Variants in CCDC172 observed in about 807,000 individuals in gnomAD.
The protein encoded by CCDC172 is coiled-coil domain containing 172.
CCDC172 carries 30 observed loss-of-function variants against 38.0 expected under a neutral mutation model. That is an observed-to-expected ratio of 0.79 (90% confidence interval 0.59 to 1.07). The LOEUF is 1.07. CCDC172 is among the 50% of genes least tolerant of loss of function. The pLI, the probability that CCDC172 is intolerant of heterozygous loss-of-function variation, is 0.00. For missense variants in CCDC172, 297 were observed against 290.1 expected, an observed-to-expected ratio of 1.02 and a Z score of -0.17; for synonymous variants, 78 against 88.3, an observed-to-expected ratio of 0.88 and a Z score of 0.66.
intron 7 of CCDC172, among the ~76,000 whole-genome samples, chr10:116,363,699 G>A (rs113467804): frequency 0.012 from 1,797 of 152,190 alleles, 39 homozygotes; most frequent in African/African-American, 0.041. Flanking sequence ...CACTTTGGGA[G>A]GCCAAAGCAG....
At chr10:116,375,164 T>C (rs1233717644) in intron 7 of CCDC172, among the ~76,000 whole-genome samples, 1 of 152,182 alleles carries the variant, frequency 6.6e-6, no homozygotes, top group South Asian at 2.1e-4. Context: ...TTGCTTCCTG[T>C]CTCTGCTTTT....
intron 7 of CCDC172, among the ~76,000 whole-genome samples, chr10:116,369,936 T>G (rs1845166419): frequency 6.6e-6 from 1 of 151,960 alleles, no homozygotes; most frequent in African/African-American, 2.4e-5. Context: ...GTGTAGTATA[T>G]TTGCAACTCT....
In CCDC172 at chr10:116,325,503, T is replaced by A; in HGVS notation, c.165+115T>A. On this transcript the variant is annotated intron_variant, in intron 3 of 8. Transcript: ENST00000333254. ...CCTTCAAGTAGGAAGCACGTTACTCTGTGCTGGCTGTTTTAGTTCCATGTT... is the reference window on the plus strand; with the variant it reads ...CCTTCAAGTAGGAAGCACGTTACTCAGTGCTGGCTGTTTTAGTTCCATGTT... The A allele has an allele frequency of 5.5e-6, 4 of 730,658 alleles. No homozygotes were observed. The East Asian group carries it at 1.1e-4, about 20-fold the overall frequency. The allele number at this position is 730,658 out of a possible 1,614,324, so 45.3% of individuals were successfully genotyped here. A position where few individuals can be genotyped will look rare whatever the true frequency, so the allele number is the denominator to read the frequency against.
At chr10:116,361,125 C>T (rs1789300315) in intron 7 of CCDC172, among the ~76,000 whole-genome samples, 1 of 150,814 alleles carries the variant, frequency 6.6e-6, no homozygotes, top group South Asian at 2.1e-4. Flanking sequence ...CAAGGGATTA[C>T]AGGCATGCAC....
intron 7 of CCDC172, among the ~76,000 whole-genome samples, chr10:116,365,537 C>A (rs1287709764): frequency 6.6e-6 from 1 of 152,122 alleles, no homozygotes; most frequent in African/African-American, 2.4e-5. Context: ...TTGTAACTCT[C>A]CACTTAACTT....
rs192492798 is a variant in CCDC172 at position 116,337,531 on chromosome 10, C to T, written c.166-3203C>T. On this transcript the variant is annotated intron_variant, in intron 3 of 8. Transcript: ENST00000333254. ...AGAAATGAAAAAGAGAAAATTTTAT[C>T]ACTGCCATTAGGAACTTCCCACCCT... Among the ~76,000 whole-genome samples, 27 of 152,242 alleles carry T rather than the reference C, an allele frequency of 1.8e-4. No homozygotes were observed. The East Asian group carries it at 5.2e-3, about 29-fold the overall frequency.
At chr10:116,329,606 G>T (rs1339240486) in intron 3 of CCDC172, among the ~76,000 whole-genome samples, 2 of 152,058 alleles carry the variant, frequency 1.3e-5, no homozygotes, top group Non-Finnish European at 2.9e-5. Flanking sequence ...GTTCAAAGGG[G>T]TCCCCAAGAC....
intron 7 of CCDC172, among the ~76,000 whole-genome samples, chr10:116,374,969 C>T (rs997812476): frequency 1.3e-5 from 2 of 150,596 alleles, no homozygotes; most frequent in East Asian, 3.9e-4. Context: ...TCCTTATCAA[C>T]ACCTGGTACT....
chr10:116,326,608 A>G (rs1844596290), intron 3 of CCDC172, among the ~76,000 whole-genome samples: 1 of 152,156 alleles, frequency 6.6e-6, no homozygotes, highest in Non-Finnish European at 1.5e-5. Flanking sequence ...TTTATACAAT[A>G]TTTATTATTT....
At chr10:116,357,297 T>G in intron 5 of CCDC172, 83 bp from the exon 6 acceptor site, 1 of 788,516 alleles carries the variant, frequency 1.3e-6, no homozygotes, top group South Asian at 1.8e-5. Context: ...TGTTTTATAG[T>G]TTTTAGTGTA....
intron 3 of CCDC172, among the ~76,000 whole-genome samples, chr10:116,329,616 C>G (rs568704621): frequency 6.6e-6 from 1 of 152,230 alleles, no homozygotes; most frequent in South Asian, 2.1e-4. Context: ...GTCCCCAAGA[C>G]ACTTTCAGGG....
At chr10:116,360,285 A>T (rs938482766) in intron 7 of CCDC172, among the ~76,000 whole-genome samples, 1 of 152,184 alleles carries the variant, frequency 6.6e-6, no homozygotes, top group African/African-American at 2.4e-5. Context: ...GGCAGTAAGC[A>T]TAGTGGTTAA....
intron 5 of CCDC172, 56 bp downstream of exon 5, chr10:116,342,257 A>G (rs1668348563): frequency 6.8e-7 from 1 of 1,460,182 alleles, no homozygotes; most frequent in Non-Finnish European, 9.1e-7. Flanking sequence ...CTTATTTTGA[A>G]TGAATGAATT....
intron 3 of CCDC172, among the ~76,000 whole-genome samples, chr10:116,326,142 C>T (rs543695488): frequency 6.6e-6 from 1 of 152,274 alleles, no homozygotes; most frequent in South Asian, 2.1e-4. Context: ...TATGGTGGCA[C>T]ATGCTTGTAG....
intron 7 of CCDC172, among the ~76,000 whole-genome samples, chr10:116,372,946 G>A (rs1845203247): frequency 6.6e-6 from 1 of 152,138 alleles, no homozygotes; most frequent in African/African-American, 2.4e-5. Context: ...TTCACAAATG[G>A]AGGCAAATAC....
At chr10:116,357,319 C>A in intron 5 of CCDC172, 61 bp from the exon 6 acceptor site, 1 of 1,090,568 alleles carries the variant, frequency 9.2e-7, no homozygotes, top group Non-Finnish European at 1.3e-6. Context: ...AGGTCTTTTA[C>A]TTCCGGGGTT....
chr10:116,324,737 G>C lies in CCDC172; in HGVS notation c.-66+124G>C, dbSNP rs892417076. On this transcript the variant is annotated intron_variant, in intron 1 of 8. Coordinates refer to ENST00000333254, the MANE Select transcript of CCDC172 (RefSeq NM_198515.3). ...TGAAACTGCCCTCTTAGGGCGTGAGGGAGAAAAGCCCGGTTTGTAAACTGT... is the reference window on the plus strand; with the variant it reads ...TGAAACTGCCCTCTTAGGGCGTGAGCGAGAAAAGCCCGGTTTGTAAACTGT... 51 of 436,482 alleles carry C rather than the reference G, an allele frequency of 1.2e-4. No homozygotes were observed. The East Asian group carries it at 2.1e-3, about 18-fold the overall frequency. 27.0% of individuals were successfully genotyped at this position (436,482 alleles called of 1,614,324 possible).
chr10:116,366,742 C>T (rs921833274), intron 7 of CCDC172, among the ~76,000 whole-genome samples: 1 of 152,180 alleles, frequency 6.6e-6, no homozygotes, highest in Non-Finnish European at 1.5e-5. Context: ...TGACGACAGA[C>T]TATTTTCCAG....
At chr10:116,336,692 TA>T (rs1233515128) in intron 3 of CCDC172, among the ~76,000 whole-genome samples, 1 of 152,126 alleles carries the variant, frequency 6.6e-6, no homozygotes, top group Non-Finnish European at 1.5e-5. Flanking sequence ...GTTTTTTTTT[TA>T]AATGTAAAAT....
Sources: gnomAD v4.1 joint callset for allele counts (sites outside exome capture counted in the v4.1 genomes callset) on GRCh38, gnomAD v4.1.1 for gene constraint, MANE v1.5 for transcripts, NCBI Gene and HGNC (gene_info 2026-07-23, HGNC 2026-07-21) for gene names.